CCP110: variants seen among roughly 807,000 people sequenced by gnomAD.
CCP110 encodes the protein centriolar coiled-coil protein of 110 kDa.
CCP110 carries 43 observed loss-of-function variants against 105.5 expected under a neutral mutation model. The ratio of observed to expected loss-of-function variants is 0.41; its 90% CI spans 0.32 to 0.53. The LOEUF (loss-of-function observed/expected upper bound fraction) is 0.53, where lower values mean the gene tolerates loss of function less well. Ranked by LOEUF, CCP110 falls within the 20% of genes least tolerant of loss-of-function variation. The pLI, the probability that CCP110 is intolerant of heterozygous loss-of-function variation, is 0.32. For synonymous variants in CCP110, 353 were observed against 392.1 expected (o/e 0.90, Z 1.18); for missense variants, 1,016 against 1,189.1 (o/e 0.85, Z 2.14).
At chr16:19,540,511 G>A (rs914125744) in intron 4 of CCP110, 146 bp from the exon 5 acceptor site, 22 of 655,416 alleles carry the variant, frequency 3.4e-5, no homozygotes, top group Non-Finnish European at 4.5e-5. Flanking sequence ...AGTGTGGTTC[G>A]AAGTAGAGAC....
intron 2 of CCP110, among the ~76,000 whole-genome samples, chr16:19,528,949 GA>G (rs1025098950): frequency 2.0e-5 from 3 of 150,940 alleles, no homozygotes; most frequent in South Asian, 2.1e-4. Flanking sequence ...CCAAAAGAAG[GA>G]AAAAAAAAGT....
chr16:19,551,412 C>T, exon 15 of CCP110: 2 of 679,190 alleles, frequency 2.9e-6, no homozygotes, highest in South Asian at 1.7e-5. Flanking sequence ...AATTCCTGCT[C>T]CACACCCCTA....
exon 15 of CCP110, chr16:19,552,852 G>C (rs1287325446): frequency 6.6e-6 from 1 of 152,124 alleles, no homozygotes; most frequent in Non-Finnish European, 1.5e-5. Flanking sequence ...GTGTAAACTT[G>C]ATTTTCTTTA....
intron 2 of CCP110, among the ~76,000 whole-genome samples, chr16:19,531,423 A>G (rs962175327): frequency 6.6e-6 from 1 of 152,244 alleles, no homozygotes; most frequent in Non-Finnish European, 1.5e-5. Flanking sequence ...AGGACTTAAT[A>G]ATTAAGATTG....
At chr16:19,550,402 CTCGGCT>C (rs1970598947) in intron 14 of CCP110, among the ~76,000 whole-genome samples, 1 of 152,182 alleles carries the variant, frequency 6.6e-6, no homozygotes, top group Non-Finnish European at 1.5e-5. Flanking sequence ...ATCCGCCCAC[CTCGGCT>C]TCCCAGAGCT....
At chr16:19,536,125 C>G (rs1448746422) in exon 4 of CCP110, 1 of 1,613,890 alleles carries the variant, frequency 6.2e-7, no homozygotes, top group South Asian at 1.1e-5. Flanking sequence ...ATAATGAGGA[C>G]CAATGTAAAA....
chr16:19,548,653 C>T lies in CCP110; in HGVS notation c.2986+53C>T. On this transcript the variant is annotated intron_variant, in intron 14 of 14. Coordinates refer to ENST00000381396, the Ensembl canonical transcript of CCP110. The surrounding 1 kb of genome is among the most constrained non-coding windows in gnomAD (Gnocchi z 4.1). ...CATTCAATAGAAGGAAGTGCACAAG[C>T]TGCCCCATAACTCAGGCCATAGAAG... 8.8e-7 allele frequency: 1 copy of T among 1,134,484 alleles called. No homozygotes were observed. The highest frequency in any genetic ancestry group is 1.3e-6 in the Non-Finnish European group (1 of 780,760). The allele number at this position is 1,134,484 out of a possible 1,614,324, so 70.3% of individuals were successfully genotyped here. A position where few individuals can be genotyped will look rare whatever the true frequency, so the allele number is the denominator to read the frequency against.
intron 2 of CCP110, among the ~76,000 whole-genome samples, chr16:19,529,860 A>T (rs1240906194): frequency 6.6e-6 from 1 of 152,266 alleles, no homozygotes; most frequent in East Asian, 1.9e-4. Context: ...ATGTTTCTTT[A>T]TTTTAATCTA....
chr16:19,536,611 G>A (rs2151470671), exon 4 of CCP110: 1 of 1,614,110 alleles, frequency 6.2e-7, no homozygotes, highest in East Asian at 2.2e-5. Context: ...GCATGAGTAT[G>A]CCAGTTTTAG....
Position 19,548,984 on chromosome 16 carries a change from T to C in CCP110, c.2986+384T>C, listed in dbSNP as rs1970550430. ...GGAAGTGTATCTGCACATAAGGGGA[T>C]AAACTTTCTCCCTCAGACTATAAGA... On this transcript the variant is annotated intron_variant, in intron 14 of 14. Coordinates refer to ENST00000381396, the Ensembl canonical transcript of CCP110. The surrounding 1 kb of genome is among the most constrained non-coding windows in gnomAD (Gnocchi z 4.1). 6.6e-6 allele frequency among the ~76,000 whole-genome samples: 1 copy of C among 152,274 alleles called. No individual in the cohort carries two copies.
chr16:19,547,795 T>C (rs1048005590), intron 12 of CCP110, 160 bp from the exon 13 acceptor site: 2 of 597,530 alleles, frequency 3.3e-6, no homozygotes, highest in South Asian at 4.3e-5. Context: ...ATCATATTAA[T>C]ATGCTTTAGT....
chr16:19,544,930 C>T (rs1970410651), intron 9 of CCP110, 32 bp downstream of exon 9: 1 of 1,155,608 alleles, frequency 8.7e-7, no homozygotes, highest in Admixed American at 2.1e-5. Flanking sequence ...GCTTTTAAGA[C>T]ATGGACATAT....
chr16:19,543,851 C>G (rs1011846792), intron 8 of CCP110, among the ~76,000 whole-genome samples: 2 of 152,150 alleles, frequency 1.3e-5, no homozygotes, highest in Admixed American at 6.5e-5. Flanking sequence ...GACCAGTTCT[C>G]TGCTCTCAAA....
chr16:19,545,862 A>C, exon 11 of CCP110: 1 of 1,607,258 alleles, frequency 6.2e-7, no homozygotes, highest in South Asian at 1.1e-5. Flanking sequence ...TGCAACACAG[A>C]AGTCTCTTGA....
intron 1 of CCP110, chr16:19,526,757 G>GTAGTA (rs1969687811): frequency 5.3e-5 from 8 of 151,676 alleles, no homozygotes; most frequent in Admixed American, 5.3e-4. Flanking sequence ...GTACTTTGAG[G>GTAGTA]CCTACCGAGG....
At chr16:19,551,443 T>C (rs532291059) in exon 15 of CCP110, 2 of 613,366 alleles carry the variant, frequency 3.3e-6, no homozygotes, top group East Asian at 2.7e-5. Flanking sequence ...AATAATACGT[T>C]TGGGTGAAGA....
At position 19,548,230 on chromosome 16, in the gene CCP110, G is replaced by A; in HGVS notation, c.2900+216G>A. On this transcript the variant is annotated intron_variant, in intron 13 of 14. Transcript: ENST00000381396. The surrounding 1 kb of genome is among the most constrained non-coding windows in gnomAD (Gnocchi z 4.1). Reference sequence around the variant, plus strand: ...TCTAATTACTGTCTTAAGTTGGGATGTTTTTACTTTTCATTTCATACCATT... The same window carrying A: ...TCTAATTACTGTCTTAAGTTGGGATATTTTTACTTTTCATTTCATACCATT... The A allele has an allele frequency of 1.7e-6, 1 of 580,084 alleles. No homozygotes were observed. Among genetic ancestry groups the A allele is most frequent in the Non-Finnish European group, 3.0e-6 (1 of 328,438 alleles). 35.9% of individuals were successfully genotyped at this position (580,084 alleles called of 1,614,324 possible).
chr16:19,541,732 AAGGGAGAAG>A (rs1375117357), intron 5 of CCP110, among the ~76,000 whole-genome samples, 146 bp from the exon 6 acceptor site: 4 of 148,168 alleles, frequency 2.7e-5, no homozygotes, highest in South Asian at 2.1e-4. Context: ...AAGGGAAGGG[AAGGGAGAAG>A]GAAGGAAGGA....
intron 12 of CCP110, 48 bp downstream of exon 12, chr16:19,546,522 G>GA (rs112602419): frequency 0.14 from 151,298 of 1,054,370 alleles, 5,691 homozygotes; most frequent in Admixed American, 0.2. Flanking sequence ...GTTTTTTATA[G>GA]AAAAAAAAAA....
Sources: gnomAD v4.1 joint callset for allele counts (sites outside exome capture counted in the v4.1 genomes callset) on GRCh38, gnomAD v4.1.1 for gene constraint, Gnocchi (gnomAD v3.1) non-coding constraint, MANE v1.5 for transcripts, NCBI Gene and HGNC (gene_info 2026-07-23, HGNC 2026-07-21) for gene names.